ADAMTS12: variants seen among roughly 807,000 people sequenced by gnomAD.
The protein encoded by ADAMTS12 is ADAM metallopeptidase with thrombospondin type 1 motif 12.
ADAMTS12 carries 118 observed loss-of-function variants against 167.8 expected under a neutral mutation model. The ratio of observed to expected loss-of-function variants is 0.70; its 90% CI spans 0.61 to 0.82. ADAMTS12 has a LOEUF of 0.82. Ranked by LOEUF, ADAMTS12 falls within the 40% of genes least tolerant of loss-of-function variation. The pLI, the probability that ADAMTS12 is intolerant of heterozygous loss-of-function variation, is 0.00. For missense variants in ADAMTS12, 1,916 were observed against 1,998.8 expected (o/e 0.96, Z 0.79); for synonymous variants, 704 against 716.9 (o/e 0.98, Z 0.29).
intron 5 of ADAMTS12, among the ~76,000 whole-genome samples, chr5:33,672,033 ACACC>A (rs1263922054): frequency 1.5e-4 from 22 of 151,424 alleles, no homozygotes; most frequent in Non-Finnish European, 3.2e-4. Context: ...ATACATACAC[ACACC>A]CACATACTCA....
chr5:33,564,371 T>A (rs952588441), intron 19 of ADAMTS12, among the ~76,000 whole-genome samples: 6 of 152,134 alleles, frequency 3.9e-5, no homozygotes, highest in Admixed American at 3.9e-4. Context: ...TGAAGAAAAG[T>A]AGGAGGCAGT....
chr5:33,835,547 T>C (rs544095774), intron 2 of ADAMTS12, among the ~76,000 whole-genome samples: 2 of 152,336 alleles, frequency 1.3e-5, no homozygotes, highest in Non-Finnish European at 2.9e-5. Context: ...AGGGCCTGTC[T>C]CCTAGTTCAT....
At chr5:33,732,369 T>C (rs1744223674) in intron 3 of ADAMTS12, among the ~76,000 whole-genome samples, 1 of 151,986 alleles carries the variant, frequency 6.6e-6, no homozygotes, top group Non-Finnish European at 1.5e-5. Flanking sequence ...ATAAAAAAAT[T>C]AAAGATGAAA....
intron 19 of ADAMTS12, among the ~76,000 whole-genome samples, chr5:33,575,561 T>G (rs1308037489): frequency 6.6e-6 from 1 of 152,226 alleles, no homozygotes; most frequent in Non-Finnish European, 1.5e-5. Flanking sequence ...TATAAATTTT[T>G]AGCTTCCCTT....
In ADAMTS12 at chr5:33,760,922, C is replaced by T. The variant is rs575574684; in HGVS notation, c.490-9374G>A. On this transcript the variant is annotated intron_variant, in intron 2 of 23. Coordinates refer to ENST00000504830, the MANE Select transcript of ADAMTS12 (RefSeq NM_030955.4). ...GTGTGTGTGTGTGTGTGTGTGTGTG[C>T]GTATGCGCTTCTAAGCAGCAATCCA... Among the ~76,000 whole-genome samples, 824 of 112,042 alleles carry T rather than the reference C, an allele frequency of 7.4e-3. 7 individuals carry two copies. Among genetic ancestry groups the T allele is most frequent in the African/African-American group, 0.029 (788 of 27,374 alleles). The allele number at this position is 112,042 out of a possible 152,430, so 73.5% of individuals were successfully genotyped here. A position where few individuals can be genotyped will look rare whatever the true frequency, so the allele number is the denominator to read the frequency against.
At chr5:33,882,899 A>C (rs1230133403) in intron 1 of ADAMTS12, among the ~76,000 whole-genome samples, 2 of 152,206 alleles carry the variant, frequency 1.3e-5, no homozygotes, top group African/African-American at 4.8e-5. Flanking sequence ...GAAACAAACA[A>C]ACAAAAAACC....
At chr5:33,833,433 T>C (rs1748382746) in intron 2 of ADAMTS12, among the ~76,000 whole-genome samples, 1 of 152,060 alleles carries the variant, frequency 6.6e-6, no homozygotes, top group Non-Finnish European at 1.5e-5. Context: ...TTGTCATTTA[T>C]ATCAGCTCTC....
chr5:33,527,264 G>A lies in ADAMTS12; in HGVS notation c.4709C>T (p.Ser1570Leu), dbSNP rs750161753. ...VPTVRAECCFSCPQTHITHTQ... is the reference protein window; with the variant it reads ...VPTVRAECCFLCPQTHITHTQ... The stretch of plus-strand genomic sequence containing the variant: ...GTGTGTGATGTGTGTCTGGGGACAC[G>A]AGAAGCAGCACTCAGCCCTCACGGT... Residue 1570 changes from serine (S) to leucine (L), a missense_variant, in exon 24 of 24, where the codon TCG (serine) becomes TTG (leucine). Physicochemically the swap from Ser to Leu is moderately radical, Grantham distance 145. Transcript: ENST00000504830. 17 of 1,613,984 alleles carry A rather than the reference G, an allele frequency of 1.1e-5. No homozygotes were observed. Among genetic ancestry groups the A allele is most frequent in the South Asian group, 4.4e-5 (4 of 91,052 alleles).
At chr5:33,571,443 C>G (rs1169583315) in intron 19 of ADAMTS12, among the ~76,000 whole-genome samples, 5 of 152,114 alleles carry the variant, frequency 3.3e-5, no homozygotes, top group Non-Finnish European at 7.4e-5. Flanking sequence ...TTAAGAAACT[C>G]CCTCAAAACC....
intron 16 of ADAMTS12, among the ~76,000 whole-genome samples, chr5:33,609,925 A>G (rs1303176206): frequency 6.6e-6 from 1 of 152,220 alleles, no homozygotes; most frequent in East Asian, 1.9e-4. Flanking sequence ...CATGCCTGTA[A>G]TTGCAGCACT....
chr5:33,568,372 T>C (rs1316902298), intron 19 of ADAMTS12, among the ~76,000 whole-genome samples: 3 of 152,242 alleles, frequency 2.0e-5, no homozygotes, highest in Admixed American at 1.3e-4. Flanking sequence ...TGGAGGTGGT[T>C]TGAATTTACC....
At chr5:33,598,249 A>G (rs1249881362) in intron 16 of ADAMTS12, among the ~76,000 whole-genome samples, 1 of 152,174 alleles carries the variant, frequency 6.6e-6, no homozygotes, top group Non-Finnish European at 1.5e-5. Context: ...ATACCAAGCT[A>G]AGCCCAATCT....
Position 33,658,350 on chromosome 5 carries a change from C to G in ADAMTS12, c.1041-17G>C. On this transcript the variant is annotated splice_polypyrimidine_tract_variant and intron_variant, in intron 6 of 23. Transcript: ENST00000504830. ...ATGTCCTTTCTGAAAGCAGAGAATA[C>G]AGAAGCTAAGGCGCCCAAAGGAACA... 1 of 1,611,592 alleles carries G rather than the reference C, an allele frequency of 6.2e-7. No individual in the cohort carries two copies. The highest frequency in any genetic ancestry group is 8.5e-7 in the Non-Finnish European group (1 of 1,178,408).
intron 3 of ADAMTS12, among the ~76,000 whole-genome samples, chr5:33,730,929 G>A (rs946888362): frequency 6.6e-6 from 1 of 152,124 alleles, no homozygotes; most frequent in Non-Finnish European, 1.5e-5. Flanking sequence ...ACGGGTACTA[G>A]CTCAGGAGTC....
intron 16 of ADAMTS12, among the ~76,000 whole-genome samples, chr5:33,601,723 A>G (rs1378443325): frequency 1.3e-5 from 2 of 152,186 alleles, no homozygotes. Flanking sequence ...TTATTTTACT[A>G]TCATCATTTG....
At position 33,699,306 on chromosome 5, in the gene ADAMTS12, A is replaced by G. The variant is rs558864450; in HGVS notation, c.635-15251T>C. On this transcript the variant is annotated intron_variant, in intron 3 of 23. Coordinates refer to ENST00000504830, the MANE Select transcript of ADAMTS12 (RefSeq NM_030955.4). Reference sequence around the variant, plus strand: ...TTGACAAATGTGCAAAGCAATTCAAAGGAGAAAGGATGGTCTTCTCGACTA... The same window carrying G: ...TTGACAAATGTGCAAAGCAATTCAAGGGAGAAAGGATGGTCTTCTCGACTA... 5.8e-4 allele frequency among the ~76,000 whole-genome samples: 88 copies of G among 152,288 alleles called. 1 individual carries two copies. In the South Asian group the frequency reaches 0.018, roughly 30 times the overall value.
At chr5:33,739,016 G>A (rs1744470608) in intron 3 of ADAMTS12, among the ~76,000 whole-genome samples, 2 of 152,264 alleles carry the variant, frequency 1.3e-5, no homozygotes, top group African/African-American at 2.4e-5. Context: ...AAAGCCTTTC[G>A]TTCGGAGGTG....
At position 33,734,407 on chromosome 5, in the gene ADAMTS12, C is replaced by T. The variant is rs145146105; in HGVS notation, c.634+16997G>A. ...GAAGAGCAGTAACATTAGCAGAAAT[C>T]ATTGCTGTCCAAAATAATTTGCAGC... is the stretch of plus-strand genomic sequence containing the variant. On this transcript the variant is annotated intron_variant, in intron 3 of 23. Coordinates refer to ENST00000504830, the MANE Select transcript of ADAMTS12 (RefSeq NM_030955.4). 6.4e-4 allele frequency among the ~76,000 whole-genome samples: 98 copies of T among 152,296 alleles called. 1 individual carries two copies. The highest frequency in any genetic ancestry group is 2.3e-3 in the African/African-American group (97 of 41,578).
At chr5:33,679,491 T>C (rs968107600) in intron 5 of ADAMTS12, among the ~76,000 whole-genome samples, 1 of 152,132 alleles carries the variant, frequency 6.6e-6, no homozygotes, top group African/African-American at 2.4e-5. Flanking sequence ...AGCCCCTTAT[T>C]AAACCATCAG....
Sources: gnomAD v4.1 joint callset for allele counts (sites outside exome capture counted in the v4.1 genomes callset) on GRCh38, gnomAD v4.1.1 for gene constraint, MANE v1.5 for transcripts, NCBI Gene and HGNC (gene_info 2026-07-23, HGNC 2026-07-21) for gene names.